Variants in RPA3 observed in about 807,000 individuals in gnomAD.
The protein encoded by RPA3 is replication protein A3, also known as replication protein A 14 kDa subunit.
In RPA3, 24 loss-of-function variants were observed where a neutral mutation model predicts 13.7. The observed-to-expected ratio is 1.75, with a 90% CI of 1.27 to 2.46. The LOEUF (loss-of-function observed/expected upper bound fraction) is 2.46, where lower values mean the gene tolerates loss of function less well. RPA3 is among the 30% of genes most tolerant of loss of function. RPA3 has a pLI of 0.00. For missense variants in RPA3, 183 were observed against 151.0 expected, an observed-to-expected ratio of 1.21 and a Z score of -1.11; for synonymous variants, 59 against 51.2, an observed-to-expected ratio of 1.15 and a Z score of -0.65.
chr7:7,694,297 C>A (rs893933299), intron 2 of RPA3, among the ~76,000 whole-genome samples: 1 of 152,020 alleles, frequency 6.6e-6, no homozygotes, highest in Admixed American at 6.5e-5. Context: ...GATTTTGATA[C>A]AGGCATACAC....
chr7:7,661,959 A>G (rs568967519), intron 4 of RPA3, among the ~76,000 whole-genome samples: 9 of 152,160 alleles, frequency 5.9e-5, no homozygotes, highest in Non-Finnish European at 1.3e-4. Flanking sequence ...AGTTTTGTTT[A>G]TAAGCCCCTG....
chr7:7,636,998 G>A lies in RPA3; in HGVS notation c.*2C>T, dbSNP rs1199735608. On this transcript the variant is annotated 3_prime_UTR_variant, in exon 8 of 8. Transcript: ENST00000223129. ...TTACAATCGTATGAAAATCCATCAA[G>A]ATCAATCATGTTGCACAATCCCTAA... The A allele has an allele frequency of 6.2e-7, 1 of 1,600,634 alleles. No homozygotes were observed.
Position 7,654,453 on chromosome 7 carries a change from G to T in RPA3, c.-757-13278C>A, listed in dbSNP as rs534161202. On this transcript the variant is annotated intron_variant, in intron 4 of 7. Transcript: ENST00000223129. The stretch of plus-strand genomic sequence containing the variant: ...ACAGTTATCCTTCGGTATCCCTAGG[G>T]GATTGGTTCCAGGACTTCCTGCTGA... Among the ~76,000 whole-genome samples the T allele has an allele frequency of 2.7e-4, 41 of 152,296 alleles. 1 individual carries two copies. The South Asian group carries it at 6.2e-3, about 23-fold the overall frequency.
intron 4 of RPA3, among the ~76,000 whole-genome samples, chr7:7,653,671 G>A (rs1294531420): frequency 5.9e-5 from 9 of 152,224 alleles, no homozygotes; most frequent in Non-Finnish European, 8.8e-5. Flanking sequence ...GAAGTCTGAC[G>A]CTCCCAGACC....
Position 7,636,883 on chromosome 7 carries a change from C to A in RPA3, c.*117G>T, listed in dbSNP as rs1784875271. Reference sequence around the variant, plus strand: ...CATCAAAAACTCTAGGTTGGAATATCTTAAAAACAGCAAATTAAATATGAG... The same window carrying A: ...CATCAAAAACTCTAGGTTGGAATATATTAAAAACAGCAAATTAAATATGAG... On this transcript the variant is annotated 3_prime_UTR_variant, in exon 8 of 8. Transcript: ENST00000223129. The A allele has an allele frequency of 1.2e-6, 1 of 801,162 alleles. No homozygotes were observed. Among genetic ancestry groups the A allele is most frequent in the East Asian group, 2.5e-5 (1 of 39,698 alleles). The allele number at this position is 801,162 out of a possible 1,614,324, so 49.6% of individuals were successfully genotyped here. A position where few individuals can be genotyped will look rare whatever the true frequency, so the allele number is the denominator to read the frequency against.
chr7:7,710,358 TA>T (rs1780723982), intron 2 of RPA3, among the ~76,000 whole-genome samples: 1 of 151,538 alleles, frequency 6.6e-6, no homozygotes. Context: ...AACTCAGCAG[TA>T]AAAAACAAAA....
chr7:7,703,994 A>G (rs1780530988), intron 2 of RPA3, among the ~76,000 whole-genome samples: 1 of 152,126 alleles, frequency 6.6e-6, no homozygotes, highest in South Asian at 2.1e-4. Context: ...GGAAGGAAAG[A>G]AAAGAAAAGA....
chr7:7,649,079 A>T (rs1431483547), intron 4 of RPA3, among the ~76,000 whole-genome samples: 1 of 145,384 alleles, frequency 6.9e-6, no homozygotes, highest in African/African-American at 2.6e-5. Flanking sequence ...AATCGCTTGA[A>T]CCCAGGAAGT....
intron 2 of RPA3, among the ~76,000 whole-genome samples, chr7:7,691,618 C>G (rs888204404): frequency 6.6e-6 from 1 of 152,176 alleles, no homozygotes; most frequent in Non-Finnish European, 1.5e-5. Flanking sequence ...GGCATAGATT[C>G]TCTATCCAGT....
intron 2 of RPA3, chr7:7,692,325 AC>A (rs1244233821): frequency 6.6e-6 from 1 of 152,144 alleles, no homozygotes; most frequent in Admixed American, 6.6e-5. Flanking sequence ...GAGAATTATA[AC>A]TTTTTTCTTG....
intron 4 of RPA3, among the ~76,000 whole-genome samples, chr7:7,644,581 A>T (rs1268637126): frequency 6.6e-6 from 1 of 152,046 alleles, no homozygotes; most frequent in African/African-American, 2.4e-5. Context: ...TAAGTCTCCA[A>T]TCTCTGTTTT....
chr7:7,659,877 A>ATG (rs537628434), intron 4 of RPA3, among the ~76,000 whole-genome samples: 1 of 152,068 alleles, frequency 6.6e-6, no homozygotes, highest in Non-Finnish European at 1.5e-5. Context: ...TGTCTCGTTG[A>ATG]TGTATCTAAT....
At chr7:7,696,586 T>C (rs1221520273) in intron 2 of RPA3, among the ~76,000 whole-genome samples, 1 of 152,156 alleles carries the variant, frequency 6.6e-6, no homozygotes, top group African/African-American at 2.4e-5. Context: ...CAGTGTCAAC[T>C]GTCTGAAATT....
intron 2 of RPA3, among the ~76,000 whole-genome samples, chr7:7,708,551 A>G (rs1780666004): frequency 6.6e-6 from 1 of 152,234 alleles, no homozygotes; most frequent in African/African-American, 2.4e-5. Flanking sequence ...GCAGTGCTTT[A>G]TAACTTGAAA....
Position 7,665,545 on chromosome 7 carries a change from G to C in RPA3, c.-758+20285C>G, listed in dbSNP as rs541781454. 3.3e-5 allele frequency among the ~76,000 whole-genome samples: 5 copies of C among 152,324 alleles called. No homozygotes were observed. The South Asian group carries it at 8.3e-4, about 25-fold the overall frequency. On this transcript the variant is annotated intron_variant, in intron 4 of 7. Coordinates refer to ENST00000223129, the MANE Select transcript of RPA3 (RefSeq NM_002947.5). ...AAAGAACTTTATTGAGATTGGATCAGTAACACATTGAAAATATACAATTTG... is the reference window on the plus strand; with the variant it reads ...AAAGAACTTTATTGAGATTGGATCACTAACACATTGAAAATATACAATTTG...
chr7:7,714,788 G>T (rs1051126992), intron 2 of RPA3, among the ~76,000 whole-genome samples: 1 of 151,972 alleles, frequency 6.6e-6, no homozygotes, highest in Non-Finnish European at 1.5e-5. Flanking sequence ...CAGGATTTAG[G>T]GTGTTGGGCA....
chr7:7,674,011 G>C (rs1779677589), intron 4 of RPA3, among the ~76,000 whole-genome samples: 1 of 152,140 alleles, frequency 6.6e-6, no homozygotes, highest in African/African-American at 2.4e-5. Flanking sequence ...GTTCTGAAAA[G>C]TAAAATTTCC....
intron 4 of RPA3, among the ~76,000 whole-genome samples, chr7:7,672,868 G>A (rs1190612133): frequency 1.3e-5 from 2 of 152,160 alleles, no homozygotes; most frequent in Admixed American, 6.5e-5. Context: ...GATGTTTGAT[G>A]TGTTTTCTTT....
chr7:7,649,842 C>T (rs1479464451), intron 4 of RPA3, among the ~76,000 whole-genome samples: 3 of 152,134 alleles, frequency 2.0e-5, no homozygotes, highest in Non-Finnish European at 4.4e-5. Context: ...GAATTGGATT[C>T]ATGCCCTTAT....
Sources: gnomAD v4.1 joint callset for allele counts (sites outside exome capture counted in the v4.1 genomes callset) on GRCh38, gnomAD v4.1.1 for gene constraint, MANE v1.5 for transcripts, NCBI Gene and HGNC (gene_info 2026-07-23, HGNC 2026-07-21) for gene names.